The following TMEM232 variants were observed in gnomAD, a reference collection of about 807,000 sequenced individuals.
The protein encoded by TMEM232 is transmembrane protein 232.
A neutral mutation model predicts 78.8 loss-of-function variants in TMEM232; 80 were observed. The ratio of observed to expected loss-of-function variants is 1.01; its 90% CI spans 0.85 to 1.22. TMEM232 has a LOEUF of 1.22. Among genes scored for constraint, TMEM232 ranks in the 50% most tolerant of loss-of-function variants. TMEM232 has a pLI of 0.00. For synonymous variants in TMEM232, 297 were observed against 254.3 expected (o/e 1.17, Z -1.60); for missense variants, 881 against 742.2 (o/e 1.19, Z -2.17).
At chr5:110,724,959 G>T (rs1045046690) in intron 1 of TMEM232, among the ~76,000 whole-genome samples, 19 of 152,072 alleles carry the variant, frequency 1.2e-4, no homozygotes, top group African/African-American at 4.6e-4. Flanking sequence ...AAAACGCAAT[G>T]AAAGTAATAG....
intron 2 of TMEM232, among the ~76,000 whole-genome samples, chr5:110,401,283 C>CTT (rs1278936876): frequency 6.9e-6 from 1 of 143,996 alleles, no homozygotes; most frequent in Non-Finnish European, 1.5e-5. Context: ...ACACAACATT[C>CTT]TTTTTTTTTT....
At chr5:110,511,046 A>C (rs1359107930) in intron 12 of TMEM232, among the ~76,000 whole-genome samples, 1 of 152,206 alleles carries the variant, frequency 6.6e-6, no homozygotes, top group Non-Finnish European at 1.5e-5. Context: ...AGACAACCCA[A>C]ATGCCCATCA....
At chr5:110,680,366 C>T (rs957085289) in intron 1 of TMEM232, among the ~76,000 whole-genome samples, 2 of 133,186 alleles carry the variant, frequency 1.5e-5, no homozygotes, top group Non-Finnish European at 3.1e-5. Context: ...CACTGCACTC[C>T]AGCCTAGGCA....
rs147019919 is a variant in TMEM232 at position 110,555,195 on chromosome 5, G to A, written c.1455+13252C>T. On this transcript the variant is annotated intron_variant, in intron 11 of 13. Coordinates refer to ENST00000455884, the MANE Select transcript of TMEM232 (RefSeq NM_001039763.4). ...AACACTGCTTTAGCTATGTTCTAGA[G>A]ATTCTGGTATGTTGTATCTTTGTTT... Among the ~76,000 whole-genome samples the A allele has an allele frequency of 4.1e-4, 62 of 152,218 alleles. 1 individual carries two copies. The East Asian group carries it at 9.3e-3, about 23-fold the overall frequency.
At chr5:110,622,189 C>A (rs1783837363) in intron 7 of TMEM232, among the ~76,000 whole-genome samples, 1 of 152,118 alleles carries the variant, frequency 6.6e-6, no homozygotes, top group African/African-American at 2.4e-5. Context: ...TTCCTAGTAA[C>A]CATTTACAAT....
intron 1 of TMEM232, among the ~76,000 whole-genome samples, chr5:110,697,733 T>G (rs544235649): frequency 8.2e-4 from 125 of 152,084 alleles, no homozygotes; most frequent in Non-Finnish European, 1.6e-3. Context: ...AAATGCAAAT[T>G]CAAACCGCAA....
At chr5:110,599,359 A>G (rs1183241892) in intron 10 of TMEM232, among the ~76,000 whole-genome samples, 1 of 152,308 alleles carries the variant, frequency 6.6e-6, no homozygotes, top group Non-Finnish European at 1.5e-5. Context: ...TGTCCCAATT[A>G]AAAGACACCG....
chr5:110,394,861 G>T (rs941985210), intron 3 of TMEM232, among the ~76,000 whole-genome samples: 1 of 152,090 alleles, frequency 6.6e-6, no homozygotes, highest in Non-Finnish European at 1.5e-5. Context: ...GGCCCTCTAT[G>T]CCTCCAATAG....
At chr5:110,431,884 T>C (rs563314687) in intron 12 of TMEM232, among the ~76,000 whole-genome samples, 1 of 151,646 alleles carries the variant, frequency 6.6e-6, no homozygotes, top group African/African-American at 2.4e-5. Context: ...AGCAGAGACA[T>C]ATATGAGAAT....
At chr5:110,410,400 A>C (rs1473893787) in intron 2 of TMEM232, among the ~76,000 whole-genome samples, 1 of 152,210 alleles carries the variant, frequency 6.6e-6, no homozygotes, top group Non-Finnish European at 1.5e-5. Context: ...CTGAAGGAAT[A>C]TCTCTTCTAC....
rs988476183 is a variant in TMEM232, at chr5:110,450,474, T to G, written c.1704-25558A>C. ...ATCTCATTATCTTCAAATCTCCATT[T>G]TTTTTCAATCTTATTAACTATTGCG... is the stretch of plus-strand genomic sequence containing the variant. On this transcript the variant is annotated intron_variant, in intron 12 of 13. Transcript: ENST00000455884. 6.6e-5 allele frequency among the ~76,000 whole-genome samples: 10 copies of G among 152,244 alleles called. 1 individual carries two copies. In the East Asian group the frequency reaches 7.7e-4, roughly 12 times the overall value.
intron 12 of TMEM232, among the ~76,000 whole-genome samples, chr5:110,466,886 G>A (rs892345319): frequency 1.4e-4 from 20 of 141,176 alleles, no homozygotes; most frequent in African/African-American, 6.1e-4. Flanking sequence ...AATGTTGCTT[G>A]AACTATAGTA....
rs112074804 is a variant in TMEM232, at chr5:110,528,702, G to A, written c.1589C>T (p.Pro530Leu). The A allele has an allele frequency of 3.1e-5, 47 of 1,534,834 alleles. No individual in the cohort carries two copies. The African/African-American group carries it at 4.9e-4, about 16-fold the overall frequency. The part of the protein sequence containing the change: ...ANTLSKLFFP[P>L]IEAHFLPLKK... ...CAAAGGAAGAAAATGGGCCTCAATG[G>A]GGGGAAAGAATAGTTTGGAAAGAGT... Residue 530 changes from proline to leucine, a missense_variant, in exon 12 of 14, where the codon CCC (proline) becomes CTC (leucine). Transcript: ENST00000455884.
chr5:110,689,050 A>T (rs1025579135), intron 1 of TMEM232, among the ~76,000 whole-genome samples: 1 of 152,174 alleles, frequency 6.6e-6, no homozygotes, highest in Non-Finnish European at 1.5e-5. Context: ...ATGCTTCTCA[A>T]TATACCACCC....
intron 13 of TMEM232, 26 bp downstream of exon 13, chr5:110,424,797 G>C: frequency 6.7e-7 from 1 of 1,499,772 alleles, no homozygotes; most frequent in Non-Finnish European, 9.0e-7. Flanking sequence ...AGCTTTTGCT[G>C]CTAGTTAAAA....
intron 12 of TMEM232, among the ~76,000 whole-genome samples, chr5:110,505,483 G>T (rs545968656): frequency 3.3e-5 from 5 of 152,176 alleles, no homozygotes; most frequent in African/African-American, 1.2e-4. Context: ...CAACATGTCC[G>T]AAATACACAT....
At chr5:110,575,560 G>C (rs1301764293) in intron 10 of TMEM232, among the ~76,000 whole-genome samples, 1 of 152,056 alleles carries the variant, frequency 6.6e-6, no homozygotes, top group Non-Finnish European at 1.5e-5. Context: ...TGTGGCTCTT[G>C]TGGAGAGAAA....
chr5:110,609,587 G>C (rs1425749893), intron 8 of TMEM232, among the ~76,000 whole-genome samples: 1 of 151,828 alleles, frequency 6.6e-6, no homozygotes, highest in Non-Finnish European at 1.5e-5. Flanking sequence ...AGTGTCTATA[G>C]GCATGTGGGA....
intron 1 of TMEM232, chr5:110,737,871 T>C (rs982399891): frequency 1.3e-5 from 2 of 153,584 alleles, no homozygotes; most frequent in African/African-American, 4.8e-5. Context: ...ACTCAACACC[T>C]TTGCCCAAGC....
Sources: gnomAD v4.1 joint callset for allele counts (sites outside exome capture counted in the v4.1 genomes callset) on GRCh38, gnomAD v4.1.1 for gene constraint, MANE v1.5 for transcripts, NCBI Gene and HGNC (gene_info 2026-07-23, HGNC 2026-07-21) for gene names.